ARHGAP25: variants seen among roughly 807,000 people sequenced by gnomAD.
The protein encoded by ARHGAP25 is Rho GTPase activating protein 25.
A neutral mutation model predicts 71.0 loss-of-function variants in ARHGAP25; 34 were observed. The observed-to-expected ratio is 0.48, with a 90% CI of 0.36 to 0.64. ARHGAP25 has a LOEUF of 0.64. Among genes scored for constraint, ARHGAP25 ranks in the 30% least tolerant of loss-of-function variants. The pLI, the probability that ARHGAP25 is intolerant of heterozygous loss-of-function variation, is 0.00. For missense variants in ARHGAP25, 706 were observed against 805.1 expected, an observed-to-expected ratio of 0.88 and a Z score of 1.49; for synonymous variants, 282 against 296.5, an observed-to-expected ratio of 0.95 and a Z score of 0.50.
rs145311661 is a variant in ARHGAP25 at position 68,796,911 on chromosome 2, C to T, written c.466+8955C>T. On this transcript the variant is annotated intron_variant, in intron 4 of 10. Coordinates refer to ENST00000409202, the MANE Select transcript of ARHGAP25 (RefSeq NM_001007231.3). ...GTGGTCATGAAATGTTCTTCTAGTT[C>T]TCAAGCACAGTGCTTTTGTGTTAGC... Among the ~76,000 whole-genome samples, 11 of 152,256 alleles carry T rather than the reference C, an allele frequency of 7.2e-5. No homozygotes were observed. In the East Asian group the frequency reaches 1.9e-3, roughly 27 times the overall value.
chr2:68,746,391 G>T (rs929758371), intron 1 of ARHGAP25, among the ~76,000 whole-genome samples: 2 of 152,138 alleles, frequency 1.3e-5, no homozygotes, highest in Non-Finnish European at 2.9e-5. Flanking sequence ...TGCTCCATCT[G>T]TACTCCTTCC....
chr2:68,798,410 C>T (rs907405044), intron 4 of ARHGAP25, among the ~76,000 whole-genome samples: 5 of 151,872 alleles, frequency 3.3e-5, no homozygotes, highest in African/African-American at 9.7e-5. Context: ...CAGACAGATA[C>T]TTATTTATTC....
chr2:68,815,443 C>CTTTTTTTTTTTTTTTTTTTTTTTT (rs796100406), intron 6 of ARHGAP25, among the ~76,000 whole-genome samples: 5 of 62,332 alleles, frequency 8.0e-5, no homozygotes, highest in African/African-American at 2.6e-4. Flanking sequence ...TGTGTACTCT[C>CTTTTTTTTTTTTTTTTTTTTTTTT]TTTTTTTTTT....
At chr2:68,825,261 A>C (rs1437962711) in intron 10 of ARHGAP25, among the ~76,000 whole-genome samples, 7 of 152,148 alleles carry the variant, frequency 4.6e-5, no homozygotes, top group African/African-American at 1.2e-4. Flanking sequence ...CTCCATTGAC[A>C]CAGGATGAGG....
intron 10 of ARHGAP25, among the ~76,000 whole-genome samples, chr2:68,824,697 A>T (rs544405253): frequency 2.6e-5 from 4 of 152,054 alleles, no homozygotes; most frequent in Non-Finnish European, 5.9e-5. Context: ...AGCCGAGATC[A>T]TGCCACTGCA....
At chr2:68,787,094 T>A (rs13026372) in intron 3 of ARHGAP25, among the ~76,000 whole-genome samples, 67,156 of 152,012 alleles carry the variant, frequency 0.44, 15,399 homozygotes, top group East Asian at 0.6. Flanking sequence ...CTCTTGCTTC[T>A]TTCTTCCTTT....
rs562960820 is a variant in ARHGAP25, at chr2:68,784,586, T to G, written c.349+2266T>G. The stretch of plus-strand genomic sequence containing the variant: ...CATAGCATAACTATCTATTCTTCTA[T>G]TCTCCTCCTACCCCAGGGAATCACC... On this transcript the variant is annotated intron_variant, in intron 3 of 10. Coordinates refer to ENST00000409202, the MANE Select transcript of ARHGAP25 (RefSeq NM_001007231.3). Among the ~76,000 whole-genome samples, 11 of 152,336 alleles carry G rather than the reference T, an allele frequency of 7.2e-5. No homozygotes were observed. The South Asian group carries it at 1.0e-3, about 14-fold the overall frequency.
intron 4 of ARHGAP25, among the ~76,000 whole-genome samples, chr2:68,805,148 G>T (rs10190115): frequency 6.6e-6 from 1 of 152,210 alleles, no homozygotes; most frequent in African/African-American, 2.4e-5. Context: ...GGAAGGGGGA[G>T]AGCAGACTGG....
intron 9 of ARHGAP25, among the ~76,000 whole-genome samples, chr2:68,820,072 C>G (rs1326972818): frequency 1.3e-5 from 2 of 152,138 alleles, no homozygotes; most frequent in African/African-American, 4.8e-5. Flanking sequence ...TTTTAAAAGG[C>G]AGGTAGTGGG....
chr2:68,769,833 T>G (rs1405234690), intron 1 of ARHGAP25, among the ~76,000 whole-genome samples: 1 of 151,910 alleles, frequency 6.6e-6, no homozygotes, highest in Admixed American at 6.6e-5. Flanking sequence ...GCAGAGAGAA[T>G]AGCATACTGT....
intron 4 of ARHGAP25, among the ~76,000 whole-genome samples, chr2:68,795,312 T>A (rs1679463183): frequency 6.6e-6 from 1 of 152,158 alleles, no homozygotes. Flanking sequence ...CTGCTTATTT[T>A]GAGTTTGGTC....
chr2:68,806,938 A>G (rs1446331210), intron 4 of ARHGAP25, among the ~76,000 whole-genome samples: 1 of 152,218 alleles, frequency 6.6e-6, no homozygotes, highest in East Asian at 1.9e-4. Context: ...TTTAACAGTA[A>G]GGTGCGTGTG....
intron 6 of ARHGAP25, among the ~76,000 whole-genome samples, chr2:68,815,512 G>A (rs1033143558): frequency 1.4e-5 from 2 of 144,604 alleles, no homozygotes; most frequent in African/African-American, 2.6e-5. Flanking sequence ...GTGCAGTGGC[G>A]CGATCTCAGC....
At chr2:68,789,936 G>A (rs371284371) in intron 4 of ARHGAP25, among the ~76,000 whole-genome samples, 36 of 152,242 alleles carry the variant, frequency 2.4e-4, no homozygotes, top group African/African-American at 8.7e-4. Context: ...GAGTGCAACA[G>A]CACTTATTTA....
intron 5 of ARHGAP25, among the ~76,000 whole-genome samples, chr2:68,813,042 C>T (rs1680945013): frequency 6.6e-6 from 1 of 152,052 alleles, no homozygotes; most frequent in South Asian, 2.1e-4. Flanking sequence ...AAAATGTAGA[C>T]CTTGAACTTA....
intron 3 of ARHGAP25, among the ~76,000 whole-genome samples, chr2:68,784,715 C>T (rs993093091): frequency 6.6e-6 from 1 of 152,174 alleles, no homozygotes; most frequent in Non-Finnish European, 1.5e-5. Flanking sequence ...TTGAGCACCT[C>T]CTATGAGCCA....
intron 2 of ARHGAP25, among the ~76,000 whole-genome samples, chr2:68,725,426 A>G (rs1674859850): frequency 6.6e-6 from 1 of 152,114 alleles, no homozygotes; most frequent in Non-Finnish European, 1.5e-5. Flanking sequence ...TTGGGCTCAC[A>G]CATTCCCCCC....
At chr2:68,782,632 T>G (rs554761050) in intron 3 of ARHGAP25, among the ~76,000 whole-genome samples, 2 of 152,362 alleles carry the variant, frequency 1.3e-5, no homozygotes, top group Non-Finnish European at 1.5e-5. Context: ...AAAGTGCACC[T>G]TCTCTACTCA....
At position 68,817,981 on chromosome 2, in the gene ARHGAP25, C is replaced by G; in HGVS notation, c.990C>G (p.Ala330=). The G allele has an allele frequency of 6.2e-7, 1 of 1,614,086 alleles. No individual in the cohort carries two copies. The highest frequency in any genetic ancestry group is 8.5e-7 in the Non-Finnish European group (1 of 1,179,968). ...TCAGGTCGAAGGTCGAAGACCCTGC[C>G]GTGATCATGAGAGGTATGGCTGGTC... ...NLIRSKVEDP[A]VIMRGTPQIQ... is the part of the protein sequence containing the mutation. The change falls in exon 8 of 11, where the codon GCC becomes GCG. Residue 330 remains alanine (A), a synonymous_variant. Transcript: ENST00000409202.
Sources: gnomAD v4.1 joint callset for allele counts (sites outside exome capture counted in the v4.1 genomes callset) on GRCh38, gnomAD v4.1.1 for gene constraint, MANE v1.5 for transcripts, NCBI Gene and HGNC (gene_info 2026-07-23, HGNC 2026-07-21) for gene names.